Variants in DST observed in about 807,000 individuals in gnomAD.
DST encodes bullous pemphigoid antigen.
Under a neutral mutation model 875.2 loss-of-function variants are expected in DST, and 253 were observed. That is an observed-to-expected ratio of 0.29 (90% CI 0.26 to 0.32). DST has a LOEUF of 0.32. Among genes scored for constraint, DST ranks in the 10% least tolerant of loss-of-function variants. The probability of loss-of-function intolerance (pLI) is 1.00; values close to 1 mark genes in which losing one functional copy is unlikely to be tolerated. For synonymous variants in DST, 3,124 were observed against 3,197.1 expected, an observed-to-expected ratio of 0.98 and a Z score of 0.77; for missense variants, 8,287 against 9,111.6, an observed-to-expected ratio of 0.91 and a Z score of 3.68.
intron 5 of DST, among the ~76,000 whole-genome samples, chr6:56,704,760 G>T (rs2099326719): frequency 6.6e-6 from 1 of 152,132 alleles, no homozygotes; most frequent in Admixed American, 6.5e-5. Flanking sequence ...TCTACTTCTA[G>T]CCTAAAACAG....
chr6:56,735,036 T>C (rs1019746949), intron 5 of DST, 192 bp downstream of exon 5: 2 of 556,358 alleles, frequency 3.6e-6, no homozygotes, highest in South Asian at 4.3e-5. Flanking sequence ...TACTTACCTA[T>C]CCACCTCCAT....
intron 9 of DST, among the ~76,000 whole-genome samples, chr6:56,696,463 G>A (rs1014748392): frequency 7.9e-5 from 12 of 151,982 alleles, no homozygotes; most frequent in Non-Finnish European, 1.6e-4. Flanking sequence ...TGCACGGCCC[G>A]CAAAACTTCT....
At chr6:56,791,787 CAA>C (rs139051174) in intron 4 of DST, among the ~76,000 whole-genome samples, 44 of 78,026 alleles carry the variant, frequency 5.6e-4, no homozygotes, top group Non-Finnish European at 6.6e-4. Context: ...GACCCTGTCT[CAA>C]AAAAAAAAAA....
At chr6:56,666,696 A>C (rs187773855) in intron 10 of DST, among the ~76,000 whole-genome samples, 43 of 152,266 alleles carry the variant, frequency 2.8e-4, no homozygotes, top group Non-Finnish European at 5.0e-4. Flanking sequence ...ACTTATGGGA[A>C]TAATTATCAA....
chr6:56,663,042 A>C (rs114066504), intron 10 of DST, among the ~76,000 whole-genome samples: 4 of 152,242 alleles, frequency 2.6e-5, no homozygotes, highest in Non-Finnish European at 5.9e-5. Context: ...TCTGTAAATT[A>C]ATCTAGGCAA....
rs146171809 is a variant in DST at position 56,639,959 on chromosome 6, T to C, written c.2589A>G (p.Glu863=). Residue 863 remains glutamate (E), a synonymous_variant, in exon 19 of 104, where the codon GAA becomes GAG. Coordinates refer to ENST00000680361, the MANE Select transcript of DST (RefSeq NM_001374736.1). ...KNVHRAIEEF[E]SSLKEAKISE... is the part of the protein sequence containing the mutation. Reference sequence around the variant, plus strand: ...TGATTTTAGCTTCTTTGAGACTAGATTCAAATTCTTCAATAGCTCTATGAA... The same window carrying C: ...TGATTTTAGCTTCTTTGAGACTAGACTCAAATTCTTCAATAGCTCTATGAA... The C allele has an allele frequency of 6.0e-5, 97 of 1,613,270 alleles. No homozygotes were observed. In the African/African-American group the frequency reaches 1.1e-3, roughly 18 times the overall value.
intron 15 of DST, among the ~76,000 whole-genome samples, chr6:56,643,207 A>G (rs1040079850): frequency 2.0e-5 from 3 of 152,232 alleles, no homozygotes; most frequent in Non-Finnish European, 4.4e-5. Flanking sequence ...ATCATTAGCT[A>G]AAAGAACACA....
intron 2 of DST, among the ~76,000 whole-genome samples, chr6:56,947,322 C>G (rs1820093874): frequency 6.7e-6 from 1 of 148,808 alleles, no homozygotes; most frequent in Non-Finnish European, 1.5e-5. Flanking sequence ...ACGATCTTGG[C>G]TCACTGCAAC....
chr6:56,798,378 AC>A (rs2099742812), intron 4 of DST, among the ~76,000 whole-genome samples: 1 of 146,904 alleles, frequency 6.8e-6, no homozygotes, highest in Non-Finnish European at 1.5e-5. Context: ...CTTAAGAATT[AC>A]GCAAAACTAC....
chr6:56,688,271 A>G (rs1289983305), intron 9 of DST, among the ~76,000 whole-genome samples: 1 of 152,216 alleles, frequency 6.6e-6, no homozygotes, highest in Non-Finnish European at 1.5e-5. Context: ...CGTCTTCAAG[A>G]TCTGTGGAGC....
intron 9 of DST, among the ~76,000 whole-genome samples, chr6:56,698,571 C>T (rs1470044134): frequency 3.3e-5 from 5 of 152,194 alleles, no homozygotes; most frequent in African/African-American, 4.8e-5. Context: ...ATGATCCACT[C>T]GCCTCAGCCT....
chr6:56,942,754 T>C (rs1817318097), intron 2 of DST, among the ~76,000 whole-genome samples: 1 of 137,900 alleles, frequency 7.3e-6, no homozygotes, highest in Non-Finnish European at 1.5e-5. Flanking sequence ...CTTGCTCTGC[T>C]GCCCAGGCTA....
At position 56,929,955 on chromosome 6, in the gene DST, G is replaced by C. The variant is rs370079241; in HGVS notation, c.216+23830C>G. ...CACTGTAAGATAAAGGAAATGAAAA[G>C]AGAACTCCTCAAAGGTAGAGACAAG... On this transcript the variant is annotated intron_variant, in intron 2 of 103. Transcript: ENST00000680361. Among the ~76,000 whole-genome samples the C allele has an allele frequency of 6.6e-5, 10 of 152,338 alleles. No individual in the cohort carries two copies. In the East Asian group the frequency reaches 1.5e-3, roughly 23 times the overall value.
rs570073043 is a variant in DST, at chr6:56,724,363, G to A, written c.687+10865C>T. On this transcript the variant is annotated intron_variant, in intron 5 of 103. Coordinates refer to ENST00000680361, the MANE Select transcript of DST (RefSeq NM_001374736.1). ...TGTACTTAAATCTAAGATAAGAAAT[G>A]TTTACACTATTCTCCAAGAATTCAG... Among the ~76,000 whole-genome samples the A allele has an allele frequency of 5.3e-5, 8 of 152,270 alleles. No individual in the cohort carries two copies. In the South Asian group the frequency reaches 1.7e-3, roughly 32 times the overall value.
intron 49 of DST, among the ~76,000 whole-genome samples, chr6:56,583,994 A>C (rs980931721): frequency 6.6e-6 from 1 of 152,180 alleles, no homozygotes; most frequent in East Asian, 1.9e-4. Flanking sequence ...TGGTTACTGT[A>C]GCCTTGTAGT....
At chr6:56,916,170 G>T (rs1464190132) in intron 2 of DST, among the ~76,000 whole-genome samples, 1 of 152,148 alleles carries the variant, frequency 6.6e-6, no homozygotes, top group Non-Finnish European at 1.5e-5. Context: ...GCCATGAGAG[G>T]ATCCATGAAT....
At chr6:56,862,799 G>C (rs1315551523) in intron 3 of DST, among the ~76,000 whole-genome samples, 2 of 152,096 alleles carry the variant, frequency 1.3e-5, no homozygotes, top group African/African-American at 4.8e-5. Flanking sequence ...GCTGGAGGAA[G>C]GTAGGGCTGA....
intron 2 of DST, among the ~76,000 whole-genome samples, chr6:56,911,769 A>C (rs571005035): frequency 2.6e-4 from 40 of 152,346 alleles, no homozygotes; most frequent in East Asian, 2.3e-3. Context: ...TACTTGAGAT[A>C]CAGCATCTTC....
chr6:56,822,912 C>G (rs1290163784), intron 4 of DST, among the ~76,000 whole-genome samples: 1 of 151,930 alleles, frequency 6.6e-6, no homozygotes, highest in Non-Finnish European at 1.5e-5. Context: ...ACTGCAACCT[C>G]CGAATCCCGT....
Sources: gnomAD v4.1 joint callset for allele counts (sites outside exome capture counted in the v4.1 genomes callset) on GRCh38, gnomAD v4.1.1 for gene constraint, MANE v1.5 for transcripts, NCBI Gene and HGNC (gene_info 2026-07-23, HGNC 2026-07-21) for gene names.